Variants in RFX4 observed in about 807,000 individuals in gnomAD.
RFX4 encodes the protein regulatory factor X4.
In RFX4, 10 loss-of-function variants were observed where a neutral mutation model predicts 95.0. The observed-to-expected ratio is 0.11, with a 90% CI of 0.06 to 0.18. The LOEUF (loss-of-function observed/expected upper bound fraction) is 0.18, where lower values mean the gene tolerates loss of function less well. Ranked by LOEUF, RFX4 falls within the 10% of genes least tolerant of loss-of-function variation. The pLI is 1.00. For missense variants in RFX4, 640 were observed against 922.0 expected, an observed-to-expected ratio of 0.69 and a Z score of 3.96; for synonymous variants, 321 against 340.7, an observed-to-expected ratio of 0.94 and a Z score of 0.64.
chr12:106,697,817 G>A lies in RFX4; in HGVS notation c.833+1371G>A, dbSNP rs186827911. On this transcript the variant is annotated intron_variant, in intron 8 of 17. Transcript: ENST00000392842. ...CACTGGCTAAAATCTTTAGGATGAT[G>A]TCCTAGCCTAGGCAAGGGTGGACAT... Among the ~76,000 whole-genome samples, 36 of 152,130 alleles carry A rather than the reference G, an allele frequency of 2.4e-4. 1 individual carries two copies. In the East Asian group the frequency reaches 6.2e-3, roughly 26 times the overall value.
At position 106,622,910 on chromosome 12, in the gene RFX4, G is replaced by A. The variant is rs141338629; in HGVS notation, c.130+14027G>A. On this transcript the variant is annotated intron_variant, in intron 2 of 17. Coordinates refer to ENST00000392842, the MANE Select transcript of RFX4 (RefSeq NM_213594.3). ...GCTGGGATTACAGGCATGAGCCACT[G>A]CACCCTGCCCAAATTGCATTTTTTC... Among the ~76,000 whole-genome samples the A allele has an allele frequency of 2.4e-3, 369 of 152,156 alleles. 4 individuals carry two copies. In the South Asian group the frequency reaches 0.033, roughly 14 times the overall value.
At position 106,640,954 on chromosome 12, in the gene RFX4, T is replaced by C. The variant is rs117377204; in HGVS notation, c.191+1562T>C. ...TGCCAACATGCCCGGCTAATTTTTG[T>C]GCTTTTTGTAGAGACAGGGTTTCAC... On this transcript the variant is annotated intron_variant, in intron 3 of 17. Transcript: ENST00000392842. Among the ~76,000 whole-genome samples the C allele has an allele frequency of 5.9e-3, 902 of 152,114 alleles. 6 individuals carry two copies. Among genetic ancestry groups the C allele is most frequent in the Non-Finnish European group, 0.01 (687 of 67,988 alleles).
chr12:106,679,717 C>T (rs1326751731), intron 4 of RFX4, among the ~76,000 whole-genome samples: 6 of 152,142 alleles, frequency 3.9e-5, no homozygotes, highest in Admixed American at 1.3e-4. Flanking sequence ...TTCTTTCTAT[C>T]GCTATTAGCA....
chr12:106,687,182 TCA>T (rs56006444), intron 6 of RFX4, 85 bp downstream of exon 6: 28,267 of 538,016 alleles, frequency 0.053, 331 homozygotes, highest in Middle Eastern at 0.094. Flanking sequence ...TCTCTCTCTC[TCA>T]CACACACACA....
chr12:106,661,619 T>G (rs2041075701), intron 4 of RFX4, among the ~76,000 whole-genome samples: 1 of 152,262 alleles, frequency 6.6e-6, no homozygotes, highest in Admixed American at 6.5e-5. Flanking sequence ...TTCACTCACA[T>G]ACTGTGAGTT....
chr12:106,675,633 TA>T (rs1039532760), intron 4 of RFX4, among the ~76,000 whole-genome samples: 9 of 152,048 alleles, frequency 5.9e-5, no homozygotes, highest in Non-Finnish European at 1.3e-4. Flanking sequence ...ACTTTAATTT[TA>T]AAAAAAGATT....
chr12:106,683,796 T>C (rs1049000091), intron 5 of RFX4: 9 of 152,184 alleles, frequency 5.9e-5, no homozygotes, highest in African/African-American at 2.2e-4. Flanking sequence ...AGCAGAAAGG[T>C]TTCCCATCCT....
intron 1 of RFX4, among the ~76,000 whole-genome samples, chr12:106,605,135 A>C (rs753460198): frequency 6.6e-6 from 1 of 152,216 alleles, no homozygotes; most frequent in Non-Finnish European, 1.5e-5. Flanking sequence ...TACCTCACCC[A>C]TAGTGAGAGC....
intron 11 of RFX4, among the ~76,000 whole-genome samples, chr12:106,717,820 G>A (rs76578727): frequency 0.016 from 2,498 of 152,320 alleles, 32 homozygotes; most frequent in Non-Finnish European, 0.024. Flanking sequence ...GCACATGTGC[G>A]TCAACCCTGT....
chr12:106,693,211 T>C (rs2041819193), intron 7 of RFX4: 1 of 312,190 alleles, frequency 3.2e-6, no homozygotes, highest in Non-Finnish European at 6.5e-6. Flanking sequence ...GAGGAACAAG[T>C]ATCATTGGAC....
chr12:106,682,006 A>G lies in RFX4; in HGVS notation c.329A>G (p.Gln110Arg). Residue 110 changes from glutamine to arginine, a missense_variant, in exon 5 of 18, where the codon CAG becomes CGG. Around this residue, in one of 7 missense-constraint regions of RFX4, gnomAD observed 89 missense variants for 173.8 expected, o/e 0.51. Coordinates refer to ENST00000392842, the MANE Select transcript of RFX4 (RefSeq NM_213594.3). ...GTTGACTTACAGATCATAAGGCAGC[A>G]GTTTCCTCAGTTAACCACCAGAAGA... Reference protein sequence around the residue: ...AASFGKIIRQQFPQLTTRRLG... With the variant: ...AASFGKIIRQRFPQLTTRRLG... 1 of 1,614,218 alleles carries G rather than the reference A, an allele frequency of 6.2e-7. No homozygotes were observed. The highest frequency in any genetic ancestry group is 8.5e-7 in the Non-Finnish European group (1 of 1,180,034).
At chr12:106,754,140 C>T (rs762571056) in intron 17 of RFX4, among the ~76,000 whole-genome samples, 215 of 152,262 alleles carry the variant, frequency 1.4e-3, no homozygotes, top group Non-Finnish European at 8.2e-4. Flanking sequence ...TCTGCAGTAC[C>T]AAGGGGAGCC....
In RFX4 at chr12:106,762,764, TATGA is replaced by T. The variant is rs1241142852; in HGVS notation, c.*1299_*1302del. The stretch of plus-strand genomic sequence containing the variant: ...GTTTTATCTGTACAGTTGTGCAAGA[TATGA>T]ATGGTTTCACACTCAAATAAAAAAT... On this transcript the variant is annotated 3_prime_UTR_variant, in exon 18 of 18. Coordinates refer to ENST00000392842, the MANE Select transcript of RFX4 (RefSeq NM_213594.3). 1 of 148,794 alleles carries T rather than the reference TATGA, an allele frequency of 6.7e-6. No homozygotes were observed. Among genetic ancestry groups the T allele is most frequent in the Non-Finnish European group, 1.5e-5 (1 of 67,652 alleles). 9.2% of individuals were successfully genotyped at this position (148,794 alleles called of 1,614,324 possible). A position where few individuals can be genotyped will look rare whatever the true frequency, so the allele number is the denominator to read the frequency against.
At chr12:106,647,221 T>TG (rs546061527) in intron 3 of RFX4, among the ~76,000 whole-genome samples, 162 of 152,332 alleles carry the variant, frequency 1.1e-3, no homozygotes, top group African/African-American at 3.8e-3. Context: ...AAATGTATTC[T>TG]GACTAACCAA....
At chr12:106,760,046 T>G (rs1020568488) in intron 17 of RFX4, among the ~76,000 whole-genome samples, 2 of 152,160 alleles carry the variant, frequency 1.3e-5, no homozygotes, top group African/African-American at 4.8e-5. Context: ...TGTCTAGGCT[T>G]CAGCCTGTCT....
intron 2 of RFX4, among the ~76,000 whole-genome samples, chr12:106,636,955 A>G (rs2040527511): frequency 6.6e-6 from 1 of 152,116 alleles, no homozygotes; most frequent in Non-Finnish European, 1.5e-5. Context: ...GTGTCATCTC[A>G]TAGCCACATT....
In RFX4 at chr12:106,586,066, C is replaced by G. The variant is rs1318222951; in HGVS notation, c.43+2703C>G. 1.3e-5 allele frequency: 2 copies of G among 152,224 alleles called. No homozygotes were observed. The highest frequency in any genetic ancestry group is 2.9e-5 in the Non-Finnish European group (2 of 68,058). 9.4% of individuals were successfully genotyped at this position (152,224 alleles called of 1,614,324 possible). On this transcript the variant is annotated intron_variant, in intron 1 of 17. Transcript: ENST00000392842. The surrounding 1 kb of genome is among the most constrained non-coding windows in gnomAD (Gnocchi z 5.6). ...CGGGGGAAGCTGGGCAGCCGGCGCGCGCCTCCTGGGCCCTAGGCGCTCTCG... is the reference window on the plus strand; with the variant it reads ...CGGGGGAAGCTGGGCAGCCGGCGCGGGCCTCCTGGGCCCTAGGCGCTCTCG...
chr12:106,659,573 A>G (rs534892107), intron 4 of RFX4, among the ~76,000 whole-genome samples: 1 of 152,354 alleles, frequency 6.6e-6, no homozygotes, highest in Non-Finnish European at 1.5e-5. Context: ...ATACGATTAA[A>G]GAGCAAACAT....
intron 10 of RFX4, among the ~76,000 whole-genome samples, chr12:106,714,148 T>C (rs1018212407): frequency 6.6e-5 from 10 of 150,394 alleles, no homozygotes; most frequent in African/African-American, 2.2e-4. Flanking sequence ...TTCATTTCAT[T>C]GTAATAAAGT....
Sources: allele counts gnomAD v4.1 joint callset (sites outside exome capture counted in the v4.1 genomes callset), GRCh38; gene constraint gnomAD v4.1.1; regional missense constraint gnomAD v4.1.1; non-coding constraint Gnocchi (gnomAD v3.1); transcripts MANE v1.5; gene names NCBI Gene and HGNC (gene_info 2026-07-23, HGNC 2026-07-21).